INSL6: variants seen among roughly 807,000 people sequenced by gnomAD.
The protein encoded by INSL6 is insulin like 6.
A neutral mutation model predicts 9.4 loss-of-function variants in INSL6; 16 were observed. The ratio of observed to expected loss-of-function variants is 1.70; its 90% CI spans 1.15 to 2.59. INSL6 has a LOEUF of 2.59. INSL6 is among the 30% of genes most tolerant of loss of function. INSL6 has a pLI of 0.00. For missense variants in INSL6, 391 were observed against 257.3 expected (o/e 1.52, Z -3.56); for synonymous variants, 154 against 96.9 (o/e 1.59, Z -3.46).
chr9:5,095,821 G>A, the INSL6 span, among the ~76,000 whole-genome samples: 2 of 152,006 alleles, frequency 1.3e-5, no homozygotes, highest in African/African-American at 4.8e-5. Context: ...TAATCCAAAC[G>A]TTACCATTAT....
At chr9:5,060,579 G>A in the INSL6 span, among the ~76,000 whole-genome samples, 1 of 152,186 alleles carries the variant, frequency 6.6e-6, no homozygotes, top group African/African-American at 2.4e-5. Context: ...TCATGAGATT[G>A]TAGCAATTCA....
At chr9:5,180,824 A>G (rs1045359576) in intron 1 of INSL6, among the ~76,000 whole-genome samples, 3 of 151,910 alleles carry the variant, frequency 2.0e-5, no homozygotes, top group Non-Finnish European at 4.4e-5. Flanking sequence ...TGCTTTTGCC[A>G]TTTGTCCTGT....
At chr9:5,179,782 G>C (rs1216564403) in intron 1 of INSL6, among the ~76,000 whole-genome samples, 1 of 152,202 alleles carries the variant, frequency 6.6e-6, no homozygotes. Context: ...TTGTAAGTGT[G>C]AACTGAACGA....
At chr9:5,066,639 C>T in the INSL6 span, 2 of 1,086,860 alleles carry the variant, frequency 1.8e-6, no homozygotes, top group Non-Finnish European at 2.8e-6. Flanking sequence ...TATTATGGTG[C>T]TTGATATATT....
At chr9:5,011,818 G>T in the INSL6 span, among the ~76,000 whole-genome samples, 1 of 152,116 alleles carries the variant, frequency 6.6e-6, no homozygotes, top group Non-Finnish European at 1.5e-5. Context: ...GCGGAGGCTT[G>T]GTTTTAGGCT....
chr9:5,101,267 C>CCCTGCT, the INSL6 span, among the ~76,000 whole-genome samples: 2 of 152,254 alleles, frequency 1.3e-5, no homozygotes, highest in African/African-American at 4.8e-5. Context: ...ACCCACGGAG[C>CCCTGCT]CCTGCTCACT....
At chr9:5,161,529 G>A (rs946620925), downstream of INSL6, among the ~76,000 whole-genome samples, 2 of 152,168 alleles carry the variant, frequency 1.3e-5, no homozygotes, top group African/African-American at 4.8e-5. Context: ...TCTGGAACCT[G>A]ACAAGGTTGT....
chr9:5,178,452 C>T lies in INSL6; in HGVS notation c.289+6862G>A, dbSNP rs141535170. Among the ~76,000 whole-genome samples, 5 of 152,352 alleles carry T rather than the reference C, an allele frequency of 3.3e-5. No homozygotes were observed. The East Asian group carries it at 7.7e-4, about 23-fold the overall frequency. On this transcript the variant is annotated intron_variant, in intron 1 of 1. Coordinates refer to ENST00000381641, the MANE Select transcript of INSL6 (RefSeq NM_007179.3). Reference sequence around the variant, plus strand: ...CTTTAAGCAGGACACTGATCCATTACTCTTCACTGGGCAGGACCTCCATGT... The same window carrying T: ...CTTTAAGCAGGACACTGATCCATTATTCTTCACTGGGCAGGACCTCCATGT...
rs887142246 is a variant in INSL6 at position 5,171,972 on chromosome 9, T to C, written c.290-7707A>G. On this transcript the variant is annotated intron_variant, in intron 1 of 1. Transcript: ENST00000381641. Reference sequence around the variant, plus strand: ...CTACCATCGACATTCTTCACAGAACTAGAAGAAACTATTTAAAAAGTCGTA... The same window carrying C: ...CTACCATCGACATTCTTCACAGAACCAGAAGAAACTATTTAAAAAGTCGTA... Among the ~76,000 whole-genome samples the C allele has an allele frequency of 2.6e-5, 4 of 152,156 alleles. No individual in the cohort carries two copies. The East Asian group carries it at 5.8e-4, about 22-fold the overall frequency.
chr9:5,060,690 A>G, the INSL6 span, among the ~76,000 whole-genome samples: 1 of 152,200 alleles, frequency 6.6e-6, no homozygotes, highest in African/African-American at 2.4e-5. Context: ...AAAGTCATCC[A>G]TGAGGGTTGG....
At chr9:5,073,830 G>C in the INSL6 span, 1 of 1,260,406 alleles carries the variant, frequency 7.9e-7, no homozygotes, top group Non-Finnish European at 1.1e-6. Flanking sequence ...CAGAGCATCT[G>C]TTTTTGTTTA....
At chr9:5,070,697 A>C in the INSL6 span, among the ~76,000 whole-genome samples, 1 of 152,114 alleles carries the variant, frequency 6.6e-6, no homozygotes, top group Non-Finnish European at 1.5e-5. Flanking sequence ...CTGCCAGTAC[A>C]GAGGGCCCAC....
chr9:5,048,974 C>G, the INSL6 span, among the ~76,000 whole-genome samples: 15 of 152,142 alleles, frequency 9.9e-5, no homozygotes, highest in Middle Eastern at 3.4e-3. Context: ...TTTCTTTCTC[C>G]CATTACATGT....
chr9:5,064,495 A>G, the INSL6 span, among the ~76,000 whole-genome samples: 1 of 151,794 alleles, frequency 6.6e-6, no homozygotes, highest in Non-Finnish European at 1.5e-5. Flanking sequence ...GTGCCAGTGC[A>G]CTTCAGCCTG....
the INSL6 span, among the ~76,000 whole-genome samples, chr9:5,096,110 T>A: frequency 2.6e-5 from 4 of 152,162 alleles, no homozygotes; most frequent in South Asian, 8.3e-4. Flanking sequence ...TATATATGCC[T>A]AATTTACTCC....
the INSL6 span, among the ~76,000 whole-genome samples, chr9:5,043,462 G>C: frequency 1.3e-5 from 2 of 152,212 alleles, no homozygotes; most frequent in Non-Finnish European, 2.9e-5. Context: ...AAGTGTTAGA[G>C]AATTTGGACT....
chr9:5,184,105 A>G (rs1019126500), intron 1 of INSL6, among the ~76,000 whole-genome samples: 3 of 152,200 alleles, frequency 2.0e-5, no homozygotes, highest in Non-Finnish European at 4.4e-5. Flanking sequence ...TCTGTCTTTA[A>G]AAGTTTTTAT....
At chr9:5,127,541 C>CTAT (rs1824077737) in intron 3 of INSL6, 1 of 231,056 alleles carries the variant, frequency 4.3e-6, no homozygotes, top group African/African-American at 2.2e-5. Flanking sequence ...TCCCTTGTAT[C>CTAT]TATTTGTGGT....
chr9:5,072,823 A>C, the INSL6 span, among the ~76,000 whole-genome samples: 1 of 152,216 alleles, frequency 6.6e-6, no homozygotes, highest in African/African-American at 2.4e-5. Context: ...AATTAATTCC[A>C]AACTAATTAT....
Sources: allele counts gnomAD v4.1 joint callset (sites outside exome capture counted in the v4.1 genomes callset), GRCh38; gene constraint gnomAD v4.1.1; transcripts MANE v1.5; gene names NCBI Gene and HGNC (gene_info 2026-07-23, HGNC 2026-07-21).